The following SKP2 variants were observed in gnomAD, a reference collection of about 807,000 sequenced individuals.
The protein encoded by SKP2 is S-phase kinase-associated protein 2.
A neutral mutation model predicts 51.8 loss-of-function variants in SKP2; 16 were observed. The observed-to-expected ratio is 0.31, with a 90% CI of 0.21 to 0.47. The LOEUF is 0.47. SKP2 is among the 20% of genes least tolerant of loss of function. The probability of loss-of-function intolerance (pLI) is 1.00; values close to 1 mark genes in which losing one functional copy is unlikely to be tolerated. For missense variants in SKP2, 377 were observed against 505.3 expected, an observed-to-expected ratio of 0.75 and a Z score of 2.43; for synonymous variants, 176 against 198.6, an observed-to-expected ratio of 0.89 and a Z score of 0.96.
chr5:36,158,942 A>G (rs1745038353), intron 2 of SKP2, among the ~76,000 whole-genome samples: 1 of 152,202 alleles, frequency 6.6e-6, no homozygotes, highest in African/African-American at 2.4e-5. Context: ...TGCTGTGCAC[A>G]TAGTCGTTAA....
chr5:36,189,595 G>A (rs1745986906), intron 6 of SKP2, among the ~76,000 whole-genome samples: 1 of 152,286 alleles, frequency 6.6e-6, no homozygotes, highest in South Asian at 2.1e-4. Context: ...CATCTCAGAG[G>A]GGTTCCTGGC....
chr5:36,185,948 C>G (rs1218977096), downstream of SKP2, among the ~76,000 whole-genome samples: 1 of 152,290 alleles, frequency 6.6e-6, no homozygotes, highest in East Asian at 1.9e-4. Context: ...GTTTGTAACT[C>G]TCCTTGAAGA....
intron 9 of SKP2, chr5:36,177,503 C>T: frequency 1.6e-6 from 1 of 630,370 alleles, no homozygotes; most frequent in South Asian, 1.6e-5. Context: ...TATTGTTTAG[C>T]TGTAAGCAGT....
At chr5:36,164,541 C>T (rs1282236237) in intron 3 of SKP2, among the ~76,000 whole-genome samples, 1 of 152,204 alleles carries the variant, frequency 6.6e-6, no homozygotes, top group Admixed American at 6.5e-5. Context: ...AAAGGCCATC[C>T]GTCTGGCTTC....
At position 36,170,329 on chromosome 5, in the gene SKP2, T is replaced by G; in HGVS notation, c.672-15T>G. ...TTACTGGTCTTTTTCTTCTGACGTT[T>G]TTCTCTTTTTCCAGTACTCTCGCAA... On this transcript the variant is annotated splice_polypyrimidine_tract_variant and intron_variant, in intron 5 of 9. Coordinates refer to ENST00000274255, the MANE Select transcript of SKP2 (RefSeq NM_005983.4). The G allele has an allele frequency of 6.6e-7, 1 of 1,514,820 alleles. No homozygotes were observed. Among genetic ancestry groups the G allele is most frequent in the Non-Finnish European group, 9.2e-7 (1 of 1,092,594 alleles). 93.8% of individuals were successfully genotyped at this position (1,514,820 alleles called of 1,614,324 possible). A position where few individuals can be genotyped will look rare whatever the true frequency, so the allele number is the denominator to read the frequency against.
chr5:36,161,231 T>C (rs1444926038), intron 2 of SKP2, among the ~76,000 whole-genome samples: 2 of 148,340 alleles, frequency 1.3e-5, no homozygotes, highest in Admixed American at 1.4e-4. Context: ...ACATATTTTA[T>C]AAATATGGGA....
rs1253990314 is a variant in SKP2 at position 36,163,380 on chromosome 5, TGAGA to T, written c.281-261_281-258del. Among the ~76,000 whole-genome samples the T allele has an allele frequency of 2.6e-5, 4 of 152,186 alleles. No homozygotes were observed. The East Asian group carries it at 5.8e-4, about 22-fold the overall frequency. Reference sequence around the variant, plus strand: ...TTCTGGGTTTCTCTTTTTGATTTGCTGAGAGAGTGTGGTGGTCACTTCAGGGTAC... The same window carrying T: ...TTCTGGGTTTCTCTTTTTGATTTGCTGAGTGTGGTGGTCACTTCAGGGTAC... On this transcript the variant is annotated intron_variant, in intron 2 of 9. Coordinates refer to ENST00000274255, the MANE Select transcript of SKP2 (RefSeq NM_005983.4).
downstream of SKP2, among the ~76,000 whole-genome samples, chr5:36,188,963 A>G (rs190527048): frequency 1.7e-3 from 263 of 151,738 alleles, no homozygotes; most frequent in Non-Finnish European, 2.7e-3. Flanking sequence ...TTCTCACTTC[A>G]TTTCATTCAT....
At chr5:36,171,519 T>A in intron 6 of SKP2, 84 bp from the exon 7 acceptor site, 2 of 1,233,590 alleles carry the variant, frequency 1.6e-6, no homozygotes, top group Admixed American at 3.7e-5. Flanking sequence ...TCCATGGTTT[T>A]ATATTTTCTT....
At chr5:36,174,695 CA>C (rs768918878) in intron 7 of SKP2, among the ~76,000 whole-genome samples, 82 of 151,890 alleles carry the variant, frequency 5.4e-4, no homozygotes, top group Non-Finnish European at 1.0e-3. Flanking sequence ...GCAGAGTAAC[CA>C]GATAGAATGT....
In SKP2 at chr5:36,166,670, T is replaced by C. The variant is rs764071124; in HGVS notation, c.536+8T>C. 7 of 1,611,512 alleles carry C rather than the reference T, an allele frequency of 4.3e-6. No individual in the cohort carries two copies. Among genetic ancestry groups the C allele is most frequent in the Middle Eastern group, 1.7e-4 (1 of 6,056 alleles). Reference sequence around the variant, plus strand: ...ATTGGCTGAACATTTCAGGTAAAGATGAAAAATCCCTGGAAAAGACTATTT... The same window carrying C: ...ATTGGCTGAACATTTCAGGTAAAGACGAAAAATCCCTGGAAAAGACTATTT... On this transcript the variant is annotated splice_region_variant and intron_variant, in intron 4 of 9. Coordinates refer to ENST00000274255, the MANE Select transcript of SKP2 (RefSeq NM_005983.4).
At chr5:36,160,812 A>G (rs570368125) in intron 2 of SKP2, among the ~76,000 whole-genome samples, 1 of 152,284 alleles carries the variant, frequency 6.6e-6, no homozygotes, top group East Asian at 1.9e-4. Flanking sequence ...TGTGGCAGTG[A>G]TGGAACAGCT....
At chr5:36,170,077 T>C (rs1745418110) in intron 5 of SKP2, among the ~76,000 whole-genome samples, 1 of 152,258 alleles carries the variant, frequency 6.6e-6, no homozygotes, top group Non-Finnish European at 1.5e-5. Context: ...GATATTCTTG[T>C]GTATTTGCTT....
At chr5:36,158,247 G>A (rs1048181971) in intron 2 of SKP2, among the ~76,000 whole-genome samples, 5 of 152,160 alleles carry the variant, frequency 3.3e-5, no homozygotes, top group Admixed American at 6.5e-5. Flanking sequence ...TTTTCCTTCC[G>A]CTCTCTGCAA....
At chr5:36,163,063 A>G (rs1745174851) in intron 2 of SKP2, among the ~76,000 whole-genome samples, 1 of 152,124 alleles carries the variant, frequency 6.6e-6, no homozygotes, top group Non-Finnish European at 1.5e-5. Context: ...CCCGCAACAC[A>G]TGGGGATTAT....
intron 4 of SKP2, 118 bp from the exon 5 acceptor site, chr5:36,168,195 T>C: frequency 1.2e-6 from 1 of 824,732 alleles, no homozygotes; most frequent in Admixed American, 2.2e-5. Context: ...GCTTGAAGTA[T>C]GTATTTAGAG....
At chr5:36,165,074 TC>T (rs1485294099) in intron 3 of SKP2, among the ~76,000 whole-genome samples, 1 of 152,240 alleles carries the variant, frequency 6.6e-6, no homozygotes, top group Non-Finnish European at 1.5e-5. Context: ...CTGTTAAACT[TC>T]ATCTCAGTTG....
In SKP2 at chr5:36,179,908, G is replaced by A. The variant is rs543010188; in HGVS notation, c.1062-1910G>A. 8.9e-3 allele frequency among the ~76,000 whole-genome samples: 770 copies of A among 86,842 alleles called. 6 individuals are homozygous for A. The highest frequency in any genetic ancestry group is 0.019 in the African/African-American group (694 of 35,890). 57.0% of individuals were successfully genotyped at this position (86,842 alleles called of 152,430 possible). A position where few individuals can be genotyped will look rare whatever the true frequency, so the allele number is the denominator to read the frequency against. On this transcript the variant is annotated intron_variant, in intron 9 of 9. Transcript: ENST00000274255. ...CTGAGTTGTAGGTAATGCACATACC[G>A]GGGGCATTTTTTTTTTTTTGTCTCC...
At chr5:36,192,328 G>A (rs746009008) in intron 6 of SKP2, among the ~76,000 whole-genome samples, 1 of 152,152 alleles carries the variant, frequency 6.6e-6, no homozygotes, top group Non-Finnish European at 1.5e-5. Flanking sequence ...ATATTTAGGT[G>A]TTGCATTATC....
Sources: gnomAD v4.1 joint callset for allele counts (sites outside exome capture counted in the v4.1 genomes callset) on GRCh38, gnomAD v4.1.1 for gene constraint, MANE v1.5 for transcripts, NCBI Gene and HGNC (gene_info 2026-07-23, HGNC 2026-07-21) for gene names.